TENM1: variants seen among roughly 807,000 people sequenced by gnomAD.
TENM1 encodes teneurin transmembrane protein 1.
Under a neutral mutation model 174.8 loss-of-function variants are expected in TENM1, and 35 were observed. The observed-to-expected ratio is 0.20, with a 90% CI of 0.15 to 0.27. The LOEUF (loss-of-function observed/expected upper bound fraction) is 0.27, where lower values mean the gene tolerates loss of function less well. Among genes scored for constraint, TENM1 ranks in the 10% least tolerant of loss-of-function variants. The pLI is 1.00. For missense variants in TENM1, 1,633 were observed against 2,130.1 expected (o/e 0.77, Z 4.59); for synonymous variants, 781 against 798.7 (o/e 0.98, Z 0.37).
intron 3 of TENM1, among the ~76,000 whole-genome samples, chrX:124,857,252 TA>T (rs2056831568): frequency 9.0e-6 from 1 of 110,649 alleles, no homozygotes; most frequent in East Asian, 2.8e-4. Context: ...TCCAAGATGA[TA>T]AAAAAATTGA....
chrX:124,597,727 A>G (rs890163380), intron 11 of TENM1, among the ~76,000 whole-genome samples: 1 of 111,590 alleles, frequency 9.0e-6, no homozygotes, highest in African/African-American at 3.3e-5. Flanking sequence ...ACAAAGATCA[A>G]ATCAAAATGG....
chrX:124,594,951 G>A (rs1569332695), intron 11 of TENM1, among the ~76,000 whole-genome samples: 1 of 111,686 alleles, frequency 9.0e-6, no homozygotes. Context: ...TAACCTCCTG[G>A]CCACTTGCAA....
At chrX:124,895,926 G>T in intron 2 of TENM1, 55 bp downstream of exon 5, 1 of 1,173,001 alleles carries the variant, frequency 8.5e-7, no homozygotes, top group Non-Finnish European at 1.2e-6. Context: ...CAAAGCAAAG[G>T]CTAAAAACTG....
the TENM1 span, among the ~76,000 whole-genome samples, chrX:125,153,071 C>G: frequency 1.8e-5 from 2 of 111,843 alleles, no homozygotes; most frequent in Non-Finnish European, 3.8e-5. Flanking sequence ...TGAAGGAAAT[C>G]TAGTGCTTAC....
chrX:124,522,128 C>T (rs992613440), intron 17 of TENM1, among the ~76,000 whole-genome samples: 40 of 111,894 alleles, frequency 3.6e-4, no homozygotes, highest in African/African-American at 1.3e-3. Context: ...ACTCATTAAA[C>T]ACTGTCTTGT....
At chrX:125,091,392 C>A in the TENM1 span, among the ~76,000 whole-genome samples, 1 of 111,206 alleles carries the variant, frequency 9.0e-6, no homozygotes, top group African/African-American at 3.3e-5. Context: ...ACAAAGCTGA[C>A]TGTGGAGGAA....
At chrX:125,115,363 A>C in the TENM1 span, among the ~76,000 whole-genome samples, 1 of 111,709 alleles carries the variant, frequency 9.0e-6, no homozygotes, top group Non-Finnish European at 1.9e-5. Context: ...ACTCCTATTC[A>C]ACATAGTATT....
At chrX:125,142,665 C>A in the TENM1 span, among the ~76,000 whole-genome samples, 9 of 111,566 alleles carry the variant, frequency 8.1e-5, no homozygotes, top group African/African-American at 2.9e-4. Context: ...TGCAATTCTA[C>A]TGAAGTCTGA....
intron 3 of TENM1, among the ~76,000 whole-genome samples, chrX:124,756,826 C>T (rs1364404722): frequency 8.9e-6 from 1 of 111,913 alleles, no homozygotes; most frequent in Non-Finnish European, 1.9e-5. Flanking sequence ...ACCGCGAATG[C>T]TGCTGTCTGA....
chrX:124,759,219 G>C (rs1411936887), intron 3 of TENM1, among the ~76,000 whole-genome samples: 2 of 111,789 alleles, frequency 1.8e-5, no homozygotes, highest in East Asian at 5.6e-4. Context: ...GGGCAGACAA[G>C]TTATAATGGA....
intron 1 of TENM1, among the ~76,000 whole-genome samples, chrX:124,936,098 C>G (rs1466063419): frequency 1.8e-5 from 2 of 111,714 alleles, no homozygotes; most frequent in Non-Finnish European, 3.8e-5. Context: ...CACTGCTGCC[C>G]CTGATTAAAA....
chrX:124,498,127 G>A (rs962870881), intron 19 of TENM1, among the ~76,000 whole-genome samples: 1 of 111,482 alleles, frequency 9.0e-6, no homozygotes, highest in Admixed American at 9.5e-5. Context: ...CATCTTGTGA[G>A]TGGTTGTACC....
intron 1 of TENM1, among the ~76,000 whole-genome samples, chrX:124,919,395 A>T (rs1021381788): frequency 3.6e-5 from 4 of 112,477 alleles, no homozygotes; most frequent in Non-Finnish European, 7.5e-5. Context: ...AGCTATGTAC[A>T]TTAACATGGA....
At chrX:124,546,778 T>C (rs994377774) in intron 15 of TENM1, 96 bp downstream of exon 18, 1 of 719,914 alleles carries the variant, frequency 1.4e-6, no homozygotes, top group South Asian at 2.7e-5. Flanking sequence ...TTATGTGGAA[T>C]GGGAAGTAAC....
intron 11 of TENM1, among the ~76,000 whole-genome samples, chrX:124,633,183 G>T (rs1380715467): frequency 1.8e-5 from 2 of 112,187 alleles, no homozygotes; most frequent in Non-Finnish European, 3.8e-5. Context: ...GAAGGAAGGG[G>T]AATAATGAAA....
intron 11 of TENM1, among the ~76,000 whole-genome samples, chrX:124,567,309 C>T (rs1277625241): frequency 9.0e-6 from 1 of 110,991 alleles, no homozygotes; most frequent in Non-Finnish European, 1.9e-5. Flanking sequence ...AATAGAAGAG[C>T]CCTGAAGAAA....
intron 5 of TENM1, among the ~76,000 whole-genome samples, chrX:124,672,084 G>C (rs1301430019): frequency 9.0e-6 from 1 of 111,693 alleles, no homozygotes; most frequent in African/African-American, 3.3e-5. Flanking sequence ...GATAGGATTA[G>C]AAATTGGAAT....
chrX:124,753,106 C>G (rs1461320427), intron 3 of TENM1, among the ~76,000 whole-genome samples: 1 of 109,527 alleles, frequency 9.1e-6, no homozygotes, highest in Non-Finnish European at 1.9e-5. Context: ...GATATTGATT[C>G]TTCCTACCCA....
At chrX:125,002,378 T>C in the TENM1 span, among the ~76,000 whole-genome samples, 2 of 111,334 alleles carry the variant, frequency 1.8e-5, no homozygotes, top group Admixed American at 9.6e-5. Flanking sequence ...TTTCTTTTAA[T>C]ACTGAAAGAA....
Sources: gnomAD v4.1 joint callset for allele counts (sites outside exome capture counted in the v4.1 genomes callset) on GRCh38, gnomAD v4.1.1 for gene constraint, MANE v1.5 for transcripts, NCBI Gene and HGNC (gene_info 2026-07-23, HGNC 2026-07-21) for gene names.